RPGR: variants seen among roughly 807,000 people sequenced by gnomAD.
The protein encoded by RPGR is X-linked retinitis pigmentosa GTPase regulator.
RPGR carries 10 observed loss-of-function variants against 56.3 expected under a neutral mutation model. The observed-to-expected ratio is 0.18, with a 90% CI of 0.11 to 0.30. The LOEUF (loss-of-function observed/expected upper bound fraction) is 0.30, where lower values mean the gene tolerates loss of function less well. Ranked by LOEUF, RPGR falls within the 10% of genes least tolerant of loss-of-function variation. RPGR has a pLI of 1.00. For missense variants in RPGR, 538 were observed against 590.9 expected (o/e 0.91, Z 0.93); for synonymous variants, 197 against 212.9 (o/e 0.93, Z 0.65).
chrX:38,278,285 G>A (rs774911506), intron 15 of RPGR, among the ~76,000 whole-genome samples: 1 of 112,391 alleles, frequency 8.9e-6, no homozygotes, highest in African/African-American at 3.2e-5. Flanking sequence ...CTGTCACCCA[G>A]GCTGGAGTGC....
intron 7 of RPGR, among the ~76,000 whole-genome samples, chrX:38,306,455 T>C (rs1021808053): frequency 4.4e-5 from 5 of 112,499 alleles, no homozygotes; most frequent in Admixed American, 3.8e-4. Context: ...TCTATTGTCA[T>C]GTGGTTTTAC....
At position 38,310,611 on chromosome X, in the gene RPGR, A is replaced by G. The variant is rs1390773182; in HGVS notation, c.778+4T>C. The G allele has an allele frequency of 3.3e-6, 4 of 1,209,181 alleles. No individual in the cohort carries two copies. The highest frequency in any genetic ancestry group is 4.5e-6 in the Non-Finnish European group (4 of 894,729). On this transcript the variant is annotated splice_donor_region_variant and intron_variant, in intron 7 of 18. Transcript: ENST00000642395. ...GGGAACAGAACAGTGGACTCCACAC[A>G]TACCCGTGAGAACCACAGTATGCTC... is the stretch of plus-strand genomic sequence containing the variant.
At chrX:38,324,970 G>A (rs2068018930) in intron 1 of RPGR, among the ~76,000 whole-genome samples, 1 of 106,801 alleles carries the variant, frequency 9.4e-6, no homozygotes, top group Non-Finnish European at 1.9e-5. Flanking sequence ...AGGAGTTCGA[G>A]ACCAGCCTGG....
At chrX:38,278,808 T>C (rs368688767) in intron 15 of RPGR, among the ~76,000 whole-genome samples, 63 of 112,230 alleles carry the variant, frequency 5.6e-4, no homozygotes, top group African/African-American at 1.8e-3. Flanking sequence ...AGCATAATCC[T>C]CAATTACTTG....
chrX:38,292,827 A>G (rs142550315), intron 11 of RPGR, among the ~76,000 whole-genome samples: 22 of 111,507 alleles, frequency 2.0e-4, no homozygotes, highest in African/African-American at 6.5e-4. Flanking sequence ...GGTACATAGA[A>G]AGATGAGTAG....
rs912300297 is a variant in RPGR, at chrX:38,304,651, G to A, written c.918C>T (p.His306=). The change falls in exon 8 of 19, where the codon CAC becomes CAT. Residue 306 remains histidine (H), a synonymous_variant. Coordinates refer to ENST00000642395, the MANE Select transcript of RPGR (RefSeq NM_000328.3). The stretch of plus-strand genomic sequence containing the variant: ...AATCCATACCTGTTATCAAAGCTGT[G>A]TGATTTTCTCCACAAGAAATATAAC... 3.4e-6 allele frequency: 4 copies of A among 1,193,167 alleles called. No homozygotes were observed. The highest frequency in any genetic ancestry group is 4.5e-6 in the Non-Finnish European group (4 of 880,264).
chrX:38,291,567 A>G, intron 11 of RPGR, 83 bp from the exon 12 acceptor site: 1 of 556,595 alleles, frequency 1.8e-6, no homozygotes, highest in Non-Finnish European at 3.1e-6. Flanking sequence ...AAATTATTCT[A>G]TAATATAAAG....
intron 7 of RPGR, among the ~76,000 whole-genome samples, chrX:38,308,858 G>C (rs1314010740): frequency 1.8e-5 from 2 of 111,038 alleles, no homozygotes; most frequent in Non-Finnish European, 1.9e-5. Context: ...ACTGGGGCTA[G>C]AACAGGAAGC....
At chrX:38,319,162 C>G (rs988215099) in intron 4 of RPGR, among the ~76,000 whole-genome samples, 175 bp from the exon 5 acceptor site, 2 of 112,118 alleles carry the variant, frequency 1.8e-5, no homozygotes, top group Admixed American at 9.4e-5. Context: ...ACAAGCAAGG[C>G]CACATATTTT....
At chrX:38,312,030 C>CT (rs199858426) in intron 6 of RPGR, among the ~76,000 whole-genome samples, 1,373 of 112,026 alleles carry the variant, frequency 0.012, 13 homozygotes, top group Middle Eastern at 0.041. Context: ...TAAGTATAAT[C>CT]GCTATTGAAG....
chrX:38,288,683 C>A (rs1371435850), intron 13 of RPGR, among the ~76,000 whole-genome samples: 1 of 111,778 alleles, frequency 8.9e-6, no homozygotes, highest in African/African-American at 3.2e-5. Flanking sequence ...CCAGCCTGGG[C>A]AACAAGAGCG....
At chrX:38,278,947 T>G (rs760322417) in intron 15 of RPGR, among the ~76,000 whole-genome samples, 1 of 112,458 alleles carries the variant, frequency 8.9e-6, no homozygotes, top group Non-Finnish European at 1.9e-5. Flanking sequence ...ATTTTAGAAA[T>G]AAGTAAAACA....
chrX:38,302,938 A>G (rs2067530503), intron 8 of RPGR, among the ~76,000 whole-genome samples: 1 of 108,552 alleles, frequency 9.2e-6, no homozygotes, highest in Non-Finnish European at 1.9e-5. Flanking sequence ...AGCCTCCTCA[A>G]TAGCTGATAT....
At position 38,275,005 on chromosome X, in the gene RPGR, T is replaced by C. The variant is rs962411778; in HGVS notation, c.2149+84A>G. 10 of 794,629 alleles carry C rather than the reference T, an allele frequency of 1.3e-5. 1 individual carries two copies. The South Asian group carries it at 2.2e-4, about 17-fold the overall frequency. 65.5% of individuals were successfully genotyped at this position (794,629 alleles called of 1,213,427 possible). A position where few individuals can be genotyped will look rare whatever the true frequency, so the allele number is the denominator to read the frequency against. On this transcript the variant is annotated intron_variant, in intron 17 of 18. Transcript: ENST00000642395. The stretch of plus-strand genomic sequence containing the variant: ...ATATGTAAACTTATATGTAAGCTTA[T>C]AATTACCCAATTATGGCATACATAC...
rs1301068354 is a variant in RPGR at position 38,304,766 on chromosome X, A to T, written c.803T>A (p.Leu268Gln). The change falls in exon 8 of 19, where the codon CTG becomes CAG. Residue 268 changes from leucine to glutamine, a missense_variant. Transcript: ENST00000642395. Reference sequence around the variant, plus strand: ...AAGACCCAGCTGACCAAATTGTCCCAGCCCAAAGGTATACACAGCATTCTC... The same window carrying T: ...AAGACCCAGCTGACCAAATTGTCCCTGCCCAAAGGTATACACAGCATTCTC... 1 of 1,210,803 alleles carries T rather than the reference A, an allele frequency of 8.3e-7. No homozygotes were observed. Among genetic ancestry groups the T allele is most frequent in the East Asian group, 3.0e-5 (1 of 33,787 alleles).
At position 38,288,579 on chromosome X, in the gene RPGR, C is replaced by T. The variant is rs966695710; in HGVS notation, c.1573-538G>A. Among the ~76,000 whole-genome samples, 25 of 110,531 alleles carry T rather than the reference C, an allele frequency of 2.3e-4. 1 individual carries two copies. The highest frequency in any genetic ancestry group is 3.8e-5 in the Non-Finnish European group (2 of 52,874). On this transcript the variant is annotated intron_variant, in intron 13 of 18. Coordinates refer to ENST00000642395, the MANE Select transcript of RPGR (RefSeq NM_000328.3). The stretch of plus-strand genomic sequence containing the variant: ...AATTAGCCAGGAGTGGTGGCACATG[C>T]CTGTAATCCCAGCTACTCGGGAGGC...
intron 17 of RPGR, among the ~76,000 whole-genome samples, chrX:38,274,432 A>C (rs1022329502): frequency 8.9e-6 from 1 of 112,132 alleles, no homozygotes; most frequent in South Asian, 3.7e-4. Flanking sequence ...AGTGTGCACT[A>C]GAGATATAAA....
rs752194328 is a variant in RPGR, at chrX:38,318,727, A to G, written c.469+102T>C. 5.6e-6 allele frequency: 5 copies of G among 899,838 alleles called. No homozygotes were observed. In the South Asian group the frequency reaches 1.1e-4, roughly 19 times the overall value. 74.2% of individuals were successfully genotyped at this position (899,838 alleles called of 1,213,427 possible). On this transcript the variant is annotated intron_variant, in intron 5 of 18. Coordinates refer to ENST00000642395, the MANE Select transcript of RPGR (RefSeq NM_000328.3). ...TCTGAAAGCACATAGATAGTCGATG[A>G]AAGAAAACTAAACAGCAATGCTCCC... is the stretch of plus-strand genomic sequence containing the variant.
At chrX:38,274,707 C>T (rs921198220) in intron 17 of RPGR, among the ~76,000 whole-genome samples, 4 of 111,154 alleles carry the variant, frequency 3.6e-5, no homozygotes, top group African/African-American at 6.5e-5. Flanking sequence ...CCCAGCTACT[C>T]GGGAGGCTGA....
Sources: allele counts gnomAD v4.1 joint callset (sites outside exome capture counted in the v4.1 genomes callset), GRCh38; gene constraint gnomAD v4.1.1; transcripts MANE v1.5; gene names NCBI Gene and HGNC (gene_info 2026-07-23, HGNC 2026-07-21).